Variants in HIVEP1 observed in about 807,000 individuals in gnomAD.
HIVEP1 encodes the protein zinc finger protein 40.
In HIVEP1, 36 loss-of-function variants were observed where a neutral mutation model predicts 180.0. The ratio of observed to expected loss-of-function variants is 0.20; its 90% CI spans 0.15 to 0.26. The LOEUF is 0.26. Among genes scored for constraint, HIVEP1 ranks in the 10% least tolerant of loss-of-function variants. The probability of loss-of-function intolerance (pLI) is 1.00; values close to 1 mark genes in which losing one functional copy is unlikely to be tolerated. For missense variants in HIVEP1, 3,143 were observed against 3,268.7 expected (o/e 0.96, Z 0.94); for synonymous variants, 1,239 against 1,239.0 (o/e 1.00, Z 0.00).
intron 3 of HIVEP1, among the ~76,000 whole-genome samples, chr6:12,089,708 T>C (rs1773338212): frequency 6.6e-6 from 1 of 152,042 alleles, no homozygotes; most frequent in Non-Finnish European, 1.5e-5. Context: ...TATTTTGGGG[T>C]ATCACGCAGC....
chr6:12,017,606 T>C (rs1767894169), intron 2 of HIVEP1, among the ~76,000 whole-genome samples: 1 of 152,158 alleles, frequency 6.6e-6, no homozygotes. Flanking sequence ...GATTGGTCCG[T>C]TTTACAGAGA....
intron 4 of HIVEP1, among the ~76,000 whole-genome samples, chr6:12,128,235 G>A (rs1017520887): frequency 6.6e-6 from 1 of 152,200 alleles, no homozygotes; most frequent in Non-Finnish European, 1.5e-5. Flanking sequence ...AAATTATGCG[G>A]AAGCCAATCT....
At chr6:12,211,137 C>T in the HIVEP1 span, among the ~76,000 whole-genome samples, 2 of 150,814 alleles carry the variant, frequency 1.3e-5, no homozygotes, top group Non-Finnish European at 2.9e-5. Context: ...CGGTGGCTCA[C>T]GCCTGTGATC....
intron 3 of HIVEP1, among the ~76,000 whole-genome samples, chr6:12,099,807 G>C (rs1222936072): frequency 6.6e-6 from 1 of 151,456 alleles, no homozygotes; most frequent in African/African-American, 2.5e-5. Flanking sequence ...TTTGTAAACA[G>C]TGCGTTATTA....
At chr6:12,075,457 C>T (rs1417734436) in intron 2 of HIVEP1, among the ~76,000 whole-genome samples, 2 of 152,160 alleles carry the variant, frequency 1.3e-5, no homozygotes, top group East Asian at 1.9e-4. Flanking sequence ...GCCCACTCTG[C>T]GCTGGCCTTT....
At chr6:12,200,017 T>C in the HIVEP1 span, among the ~76,000 whole-genome samples, 1 of 152,110 alleles carries the variant, frequency 6.6e-6, no homozygotes, top group East Asian at 1.9e-4. Flanking sequence ...AGATGGGGAC[T>C]AAGAGATGAG....
downstream of HIVEP1, among the ~76,000 whole-genome samples, chr6:12,165,624 A>G (rs1486776080): frequency 6.6e-6 from 1 of 152,272 alleles, no homozygotes; most frequent in Non-Finnish European, 1.5e-5. Context: ...TTACCAGTGC[A>G]GTGATTTGCA....
At chr6:12,212,016 A>C in the HIVEP1 span, among the ~76,000 whole-genome samples, 2 of 152,218 alleles carry the variant, frequency 1.3e-5, no homozygotes, top group Non-Finnish European at 2.9e-5. Flanking sequence ...CAAACTGAAG[A>C]AGACATGCCC....
chr6:12,065,202 G>A (rs559626027), intron 2 of HIVEP1, among the ~76,000 whole-genome samples: 93 of 152,324 alleles, frequency 6.1e-4, no homozygotes, highest in African/African-American at 2.1e-3. Context: ...TGGAGTTAAA[G>A]CATGTCATGA....
chr6:12,184,723 C>T, the HIVEP1 span, among the ~76,000 whole-genome samples: 1 of 152,142 alleles, frequency 6.6e-6, no homozygotes, highest in Non-Finnish European at 1.5e-5. Flanking sequence ...AAAATCACTT[C>T]ATATCATACA....
chr6:12,208,789 C>T, the HIVEP1 span, among the ~76,000 whole-genome samples: 1 of 152,298 alleles, frequency 6.6e-6, no homozygotes, highest in Admixed American at 6.5e-5. Flanking sequence ...AATGAACCAG[C>T]TCTGCTGACA....
intron 7 of HIVEP1, among the ~76,000 whole-genome samples, chr6:12,158,482 C>T (rs1367957693): frequency 1.3e-5 from 2 of 152,162 alleles, no homozygotes. Context: ...CATTCTTGTT[C>T]TCCTGTTTCT....
the HIVEP1 span, among the ~76,000 whole-genome samples, chr6:12,176,784 G>A: frequency 1.3e-5 from 2 of 151,988 alleles, no homozygotes; most frequent in Admixed American, 1.3e-4. Context: ...TCTGTAGATT[G>A]TTTACTCTGT....
downstream of HIVEP1, among the ~76,000 whole-genome samples, chr6:12,169,615 G>A (rs1423929621): frequency 1.3e-5 from 2 of 152,164 alleles, no homozygotes; most frequent in Non-Finnish European, 2.9e-5. Flanking sequence ...ATGTATGAGA[G>A]TTAAGAAAGT....
chr6:12,035,278 T>C (rs1769202138), intron 2 of HIVEP1, among the ~76,000 whole-genome samples: 1 of 152,224 alleles, frequency 6.6e-6, no homozygotes, highest in Admixed American at 6.5e-5. Flanking sequence ...TCTGACAGAA[T>C]TCTGCAGATA....
intron 3 of HIVEP1, among the ~76,000 whole-genome samples, chr6:12,117,934 G>C (rs1775320233): frequency 6.6e-6 from 1 of 152,164 alleles, no homozygotes; most frequent in South Asian, 2.1e-4. Flanking sequence ...CTACTTGCCT[G>C]ATAGAGTTAA....
downstream of HIVEP1, among the ~76,000 whole-genome samples, chr6:12,166,315 A>G (rs569990945): frequency 1.3e-5 from 2 of 152,284 alleles, no homozygotes; most frequent in South Asian, 2.1e-4. Flanking sequence ...GAGGTTTTTT[A>G]GTTTCTATAG....
intron 2 of HIVEP1, among the ~76,000 whole-genome samples, chr6:12,046,478 G>A (rs1414013707): frequency 1.3e-5 from 2 of 152,124 alleles, no homozygotes. Context: ...GCAGACACTG[G>A]AGTTAGAATC....
chr6:12,011,655 C>T (rs1767317231), upstream of HIVEP1, among the ~76,000 whole-genome samples: 1 of 146,784 alleles, frequency 6.8e-6, no homozygotes, highest in Non-Finnish European at 1.5e-5. Flanking sequence ...CGGGGAGGGG[C>T]GAAGCGGCGG....
Sources: gnomAD v4.1 joint callset for allele counts (sites outside exome capture counted in the v4.1 genomes callset) on GRCh38, gnomAD v4.1.1 for gene constraint, MANE v1.5 for transcripts, NCBI Gene and HGNC (gene_info 2026-07-23, HGNC 2026-07-21) for gene names.